The following QSER1 variants were observed in gnomAD, a reference collection of about 807,000 sequenced individuals.
QSER1 encodes the protein glutamine and serine rich 1.
Under a neutral mutation model 158.5 loss-of-function variants are expected in QSER1, and 49 were observed. The ratio of observed to expected loss-of-function variants is 0.31; its 90% CI spans 0.25 to 0.39. The LOEUF (loss-of-function observed/expected upper bound fraction) is 0.39, where lower values mean the gene tolerates loss of function less well. QSER1 is among the 10% of genes least tolerant of loss of function. The probability of loss-of-function intolerance (pLI) is 1.00; values close to 1 mark genes in which losing one functional copy is unlikely to be tolerated. For missense variants in QSER1, 1,754 were observed against 2,010.3 expected (o/e 0.87, Z 2.44); for synonymous variants, 650 against 715.5 (o/e 0.91, Z 1.46).
intron 4 of QSER1, among the ~76,000 whole-genome samples, chr11:32,945,548 A>T (rs1328861695): frequency 4.6e-5 from 7 of 152,242 alleles, no homozygotes; most frequent in African/African-American, 1.7e-4. Context: ...TTTCTTTAAG[A>T]ATGTTGAATA....
In QSER1 at chr11:32,893,910, G is replaced by A. The variant is rs1851520311; in HGVS notation, c.209+576G>A. ...CGGCAGGGCGCGAACGCGGCTCCAG[G>A]GCCGGGTGACATATGTTTGCGCTGG... On this transcript the variant is annotated intron_variant, in intron 1 of 12. Transcript: ENST00000650167. This position sits in a 1 kb window ranked among gnomAD's most constrained non-coding sequence, Gnocchi z 4.7. Among the ~76,000 whole-genome samples the A allele has an allele frequency of 6.6e-6, 1 of 152,228 alleles. No homozygotes were observed. The highest frequency in any genetic ancestry group is 1.5e-5 in the Non-Finnish European group (1 of 68,042).
intron 8 of QSER1, 118 bp from the exon 9 acceptor site, chr11:32,966,182 A>G (rs1852743255): frequency 5.4e-6 from 6 of 1,112,328 alleles, no homozygotes; most frequent in Middle Eastern, 2.2e-4. Context: ...AAGGTGAGAA[A>G]GTCTTGAATT....
rs1852982883 is a variant in QSER1 at position 32,976,623 on chromosome 11, G to A, written c.*149G>A. Reference sequence around the variant, plus strand: ...ATTACCACCTCTGCTGAAGGACAGTGGTGCGGCCTTTAGGAACGAAGTTAG... The same window carrying A: ...ATTACCACCTCTGCTGAAGGACAGTAGTGCGGCCTTTAGGAACGAAGTTAG... On this transcript the variant is annotated 3_prime_UTR_variant, in exon 13 of 13. Transcript: ENST00000650167. 3 of 826,418 alleles carry A rather than the reference G, an allele frequency of 3.6e-6. No individual in the cohort carries two copies. The East Asian group carries it at 8.8e-5, about 24-fold the overall frequency. The allele number at this position is 826,418 out of a possible 1,614,324, so 51.2% of individuals were successfully genotyped here. A position where few individuals can be genotyped will look rare whatever the true frequency, so the allele number is the denominator to read the frequency against.
chr11:32,926,220 T>G (rs1851968605), intron 1 of QSER1: 1 of 152,158 alleles, frequency 6.6e-6, no homozygotes, highest in South Asian at 2.1e-4. Flanking sequence ...CAAATGAAAT[T>G]ACTGAATTTT....
intron 8 of QSER1, among the ~76,000 whole-genome samples, chr11:32,961,065 GT>G (rs1037749505): frequency 3.3e-5 from 5 of 151,648 alleles, no homozygotes; most frequent in East Asian, 1.9e-4. Context: ...AATGTGAGGT[GT>G]TTTTTTTAAA....
At chr11:32,916,153 G>A (rs756727072) in intron 1 of QSER1, among the ~76,000 whole-genome samples, 14 of 152,208 alleles carry the variant, frequency 9.2e-5, no homozygotes, top group African/African-American at 2.4e-4. Context: ...CGCCTGCCTC[G>A]GCCTCCCAAA....
chr11:32,909,461 CAG>C (rs1851736816), intron 1 of QSER1, among the ~76,000 whole-genome samples: 2 of 147,180 alleles, frequency 1.4e-5, no homozygotes, highest in African/African-American at 5.0e-5. Context: ...TTTTTTGAGT[CAG>C]AGTTTCCTTC....
intron 4 of QSER1, among the ~76,000 whole-genome samples, chr11:32,952,609 C>T (rs1412014196): frequency 1.3e-5 from 2 of 152,070 alleles, no homozygotes; most frequent in African/African-American, 4.8e-5. Context: ...TAATACTGGC[C>T]TCACAGAATG....
In QSER1 at chr11:32,978,022, A is replaced by G. The variant is rs183140578; in HGVS notation, c.*1548A>G. On this transcript the variant is annotated 3_prime_UTR_variant, in exon 13 of 13. Transcript: ENST00000650167. The stretch of plus-strand genomic sequence containing the variant: ...GAAGGTAATGTGATTTGATTTGAGA[A>G]TAAAACATTGTAGCATTGGGTGAAA... 61 of 152,778 alleles carry G rather than the reference A, an allele frequency of 4.0e-4. No individual in the cohort carries two copies. The highest frequency in any genetic ancestry group is 1.3e-3 in the African/African-American group (56 of 41,586). The allele number at this position is 152,778 out of a possible 1,614,324, so 9.5% of individuals were successfully genotyped here.
intron 1 of QSER1, among the ~76,000 whole-genome samples, chr11:32,905,455 G>C (rs1717564685): frequency 6.6e-6 from 1 of 152,178 alleles, no homozygotes. Flanking sequence ...AGTTTGATTT[G>C]GCCAGAGCCA....
intron 1 of QSER1, among the ~76,000 whole-genome samples, chr11:32,916,939 A>G (rs958093175): frequency 6.6e-6 from 1 of 152,156 alleles, no homozygotes; most frequent in African/African-American, 2.4e-5. Flanking sequence ...GATGCATGCC[A>G]CCACACCCAG....
intron 8 of QSER1, among the ~76,000 whole-genome samples, chr11:32,964,392 C>T (rs1852685790): frequency 6.6e-6 from 1 of 152,082 alleles, no homozygotes; most frequent in Non-Finnish European, 1.5e-5. Context: ...TGCCTTGATT[C>T]GTGGGGTAAG....
intron 11 of QSER1, among the ~76,000 whole-genome samples, chr11:32,974,598 G>A (rs1564950554): frequency 6.6e-6 from 1 of 152,156 alleles, no homozygotes; most frequent in East Asian, 1.9e-4. Context: ...ATAAAGAAGA[G>A]ATAGATTTGT....
Position 32,953,114 on chromosome 11 carries a change from G to A in QSER1, c.4178-743G>A, listed in dbSNP as rs181608386. On this transcript the variant is annotated intron_variant, in intron 4 of 12. Coordinates refer to ENST00000650167, the MANE Select transcript of QSER1 (RefSeq NM_001076786.3). The stretch of plus-strand genomic sequence containing the variant: ...CCGTGCATGGCCCCAATCTTTTTTA[G>A]TATTTTGTGTCTTTCTAGGAATTTA... Among the ~76,000 whole-genome samples the A allele has an allele frequency of 3.3e-5, 5 of 151,732 alleles. No homozygotes were observed. The East Asian group carries it at 5.8e-4, about 18-fold the overall frequency.
intron 1 of QSER1, among the ~76,000 whole-genome samples, chr11:32,902,784 G>A (rs1270829454): frequency 2.0e-5 from 3 of 152,188 alleles, no homozygotes; most frequent in Non-Finnish European, 2.9e-5. Flanking sequence ...CTGAGCACTG[G>A]CCTAATAATT....
intron 1 of QSER1, among the ~76,000 whole-genome samples, chr11:32,920,629 G>T (rs1851888313): frequency 6.6e-6 from 1 of 152,306 alleles, no homozygotes; most frequent in Non-Finnish European, 1.5e-5. Flanking sequence ...TCGGGGATTT[G>T]TATCCAGCAT....
chr11:32,951,544 G>A (rs143587612), intron 4 of QSER1, among the ~76,000 whole-genome samples: 290 of 152,254 alleles, frequency 1.9e-3, no homozygotes, highest in African/African-American at 6.9e-3. Flanking sequence ...ACAGTGTTGC[G>A]TCTTCTCATC....
chr11:32,969,059 A>T lies in QSER1; in HGVS notation c.5121A>T (p.Leu1707Phe). The T allele has an allele frequency of 6.4e-7, 1 of 1,568,922 alleles. No homozygotes were observed. Among genetic ancestry groups the T allele is most frequent in the Non-Finnish European group, 8.7e-7 (1 of 1,148,600 alleles). ...ALEKSNDELLLPHMKKIDGML... is the reference protein window; with the variant it reads ...ALEKSNDELLFPHMKKIDGML... ...ATGTTGTTTCAGATGAGCTACTTTT[A>T]CCTCATATGAAAAAAATAGATGGCA... Residue 1707 changes from leucine to phenylalanine, a missense_variant, in exon 10 of 13, where the codon TTA (leucine) becomes TTT (phenylalanine). This residue lies in a region of QSER1 where 1,707 missense variants were observed against 1,919.6 expected (regional missense o/e 0.89). Transcript: ENST00000650167.
intron 1 of QSER1, among the ~76,000 whole-genome samples, chr11:32,925,289 G>A (rs1391374364): frequency 6.6e-6 from 1 of 152,100 alleles, no homozygotes; most frequent in Non-Finnish European, 1.5e-5. Flanking sequence ...AAGGGCTAAA[G>A]ATTTGAATAA....
Sources: gnomAD v4.1 joint callset for allele counts (sites outside exome capture counted in the v4.1 genomes callset) on GRCh38, gnomAD v4.1.1 for gene constraint, gnomAD v4.1.1 regional missense constraint, Gnocchi (gnomAD v3.1) non-coding constraint, MANE v1.5 for transcripts, NCBI Gene and HGNC (gene_info 2026-07-23, HGNC 2026-07-21) for gene names.